Variants in RAI14 observed in about 807,000 individuals in gnomAD.
RAI14 encodes ankycorbin.
A neutral mutation model predicts 115.4 loss-of-function variants in RAI14; 45 were observed. That is an observed-to-expected ratio of 0.39 (90% CI 0.31 to 0.50). RAI14 has a LOEUF of 0.50. RAI14 is among the 20% of genes least tolerant of loss of function. RAI14 has a pLI of 0.85. For missense variants in RAI14, 939 were observed against 1,131.2 expected (o/e 0.83, Z 2.44); for synonymous variants, 371 against 415.4 (o/e 0.89, Z 1.30).
rs112890118 is a variant in RAI14 at position 34,745,214 on chromosome 5, A to G, written c.37-12254A>G. ...GTGATTTAAATGAAATAAATTATTT[A>G]TGGCACCTGGAAGGTACTAGCACAT... On this transcript the variant is annotated intron_variant, in intron 2 of 17. Coordinates refer to ENST00000265109, the MANE Select transcript of RAI14 (RefSeq NM_015577.3). 2.1e-3 allele frequency among the ~76,000 whole-genome samples: 319 copies of G among 152,344 alleles called. 2 individuals are homozygous for G. The highest frequency in any genetic ancestry group is 7.3e-3 in the African/African-American group (302 of 41,562).
intron 1 of RAI14, among the ~76,000 whole-genome samples, chr5:34,681,670 A>T (rs187690579): frequency 0.02 from 3,058 of 149,576 alleles, 50 homozygotes; most frequent in Non-Finnish European, 0.027. Flanking sequence ...AATTAAAAAA[A>T]TTTTTTTTTG....
At chr5:34,729,953 T>TA (rs1329499064) in intron 2 of RAI14, among the ~76,000 whole-genome samples, 1 of 152,286 alleles carries the variant, frequency 6.6e-6, no homozygotes, top group East Asian at 1.9e-4. Flanking sequence ...TTCATTTTTT[T>TA]AAAAAAAGTT....
At chr5:34,662,399 T>G (rs1450864748) in intron 1 of RAI14, among the ~76,000 whole-genome samples, 1 of 152,186 alleles carries the variant, frequency 6.6e-6, no homozygotes, top group Non-Finnish European at 1.5e-5. Context: ...TTTTTCTACC[T>G]TGCATGATGA....
intron 2 of RAI14, chr5:34,687,696 A>G: frequency 6.4e-7 from 1 of 1,551,604 alleles, no homozygotes; most frequent in Non-Finnish European, 8.7e-7. Context: ...GGAGAAATTA[A>G]TGGAAGGGAA....
chr5:34,823,293 A>G lies in RAI14; in HGVS notation c.1451A>G (p.Lys484Arg). ...GAGAACAGCTCTGACCTCAGCCAGA[A>G]ACTTAAAGAAACTCAGAGCAAATAC... is the stretch of plus-strand genomic sequence containing the variant. ...ISENSSDLSQ[K>R]LKETQSKYEE... The change falls in exon 15 of 18, where the codon AAA (lysine) becomes AGA (arginine). Residue 484 changes from lysine (K) to arginine (R), a missense_variant. Lys to Arg is a conservative substitution (Grantham distance 26). Transcript: ENST00000265109. This position sits in a 1 kb window ranked among gnomAD's most constrained non-coding sequence, Gnocchi z 4.5. 6.2e-7 allele frequency: 1 copy of G among 1,614,004 alleles called. No homozygotes were observed. The highest frequency in any genetic ancestry group is 8.5e-7 in the Non-Finnish European group (1 of 1,179,992).
intron 1 of RAI14, among the ~76,000 whole-genome samples, chr5:34,674,531 A>G (rs1378940602): frequency 1.3e-5 from 2 of 151,940 alleles, no homozygotes; most frequent in Admixed American, 1.3e-4. Flanking sequence ...GATATTTTTC[A>G]TAACCAATTC....
chr5:34,820,679 T>C (rs920199627), intron 13 of RAI14, among the ~76,000 whole-genome samples: 1 of 152,224 alleles, frequency 6.6e-6, no homozygotes, highest in Non-Finnish European at 1.5e-5. Flanking sequence ...CACATTGTTT[T>C]GTTCAGCTGA....
intron 15 of RAI14, among the ~76,000 whole-genome samples, chr5:34,825,759 C>T (rs368804977): frequency 1.3e-5 from 2 of 151,920 alleles, no homozygotes; most frequent in African/African-American, 4.8e-5. Context: ...TCGGAGGTTC[C>T]GAATAGCATT....
intron 2 of RAI14, among the ~76,000 whole-genome samples, chr5:34,711,181 G>T (rs2149964039): frequency 6.6e-6 from 1 of 152,350 alleles, no homozygotes; most frequent in East Asian, 1.9e-4. Flanking sequence ...GAGCAACATG[G>T]CTATTTATTT....
intron 2 of RAI14, among the ~76,000 whole-genome samples, chr5:34,720,401 ATTTTTTTTTTT>A (rs35380327): frequency 5.0e-5 from 4 of 80,230 alleles, no homozygotes; most frequent in African/African-American, 1.1e-4. Flanking sequence ...CCTGTCTCAG[ATTTTTTTTTTT>A]TTTTTTTTTT....
In RAI14 at chr5:34,811,077, G is replaced by A; in HGVS notation, c.516G>A (p.Leu172=). The part of the protein sequence containing the change: ...NGHSEICHFL[L]DHGADVNSRN... ...ACAGTGAGATCTGTCACTTTCTCCT[G>A]GATCATGGAGCAGATGTCAATTCCA... Residue 172 remains leucine (L), a synonymous_variant, in exon 8 of 18, where the codon CTG becomes CTA. Coordinates refer to ENST00000265109, the MANE Select transcript of RAI14 (RefSeq NM_015577.3). The A allele has an allele frequency of 6.2e-7, 1 of 1,614,028 alleles. No homozygotes were observed. The highest frequency in any genetic ancestry group is 1.1e-5 in the South Asian group (1 of 91,066).
chr5:34,826,715 G>A (rs62355741), intron 16 of RAI14, among the ~76,000 whole-genome samples: 46,156 of 152,124 alleles, frequency 0.3, 8,031 homozygotes, highest in South Asian at 0.44. Flanking sequence ...GGAAAGAACC[G>A]ACAGGACAGT....
intron 2 of RAI14, among the ~76,000 whole-genome samples, chr5:34,689,613 C>G (rs1738320622): frequency 6.6e-6 from 1 of 152,138 alleles, no homozygotes; most frequent in Non-Finnish European, 1.5e-5. Flanking sequence ...TGACTCACAC[C>G]TGTAATCCCA....
chr5:34,656,931 A>T (rs1742316426), intron 1 of RAI14: 1 of 152,210 alleles, frequency 6.6e-6, no homozygotes, highest in Admixed American at 6.5e-5. Context: ...TGCTGAGCCC[A>T]ATCCGCCTCC....
intron 3 of RAI14, among the ~76,000 whole-genome samples, chr5:34,777,026 C>T (rs1053016936): frequency 6.6e-6 from 1 of 151,800 alleles, no homozygotes; most frequent in African/African-American, 2.4e-5. Flanking sequence ...CAAAAATTAG[C>T]CAGGCATAGT....
intron 2 of RAI14, among the ~76,000 whole-genome samples, chr5:34,742,387 G>A (rs1157948810): frequency 1.3e-5 from 2 of 152,314 alleles, no homozygotes; most frequent in South Asian, 2.1e-4. Flanking sequence ...GTTGGCAAGC[G>A]AAGAGTAATT....
At chr5:34,735,559 T>C (rs1744760034) in intron 2 of RAI14, among the ~76,000 whole-genome samples, 1 of 152,224 alleles carries the variant, frequency 6.6e-6, no homozygotes, top group Non-Finnish European at 1.5e-5. Context: ...CATGTGGTAA[T>C]TTGGAAAAGT....
At chr5:34,743,416 A>T (rs1745773324) in intron 2 of RAI14, among the ~76,000 whole-genome samples, 1 of 152,110 alleles carries the variant, frequency 6.6e-6, no homozygotes, top group Non-Finnish European at 1.5e-5. Context: ...TTCCATTTCT[A>T]AGGATACCAG....
At chr5:34,716,464 G>C (rs959164824) in intron 2 of RAI14, among the ~76,000 whole-genome samples, 1 of 151,800 alleles carries the variant, frequency 6.6e-6, no homozygotes, top group African/African-American at 2.4e-5. Context: ...CCAGGCTGGA[G>C]TGCAGTGGTG....
Sources: gnomAD v4.1 joint callset for allele counts (sites outside exome capture counted in the v4.1 genomes callset) on GRCh38, gnomAD v4.1.1 for gene constraint, Gnocchi (gnomAD v3.1) non-coding constraint, MANE v1.5 for transcripts, NCBI Gene and HGNC (gene_info 2026-07-23, HGNC 2026-07-21) for gene names.